The following MSI2 variants were observed in gnomAD, a reference collection of about 807,000 sequenced individuals.
MSI2 encodes RNA-binding protein Musashi homolog 2.
Under a neutral mutation model 45.6 loss-of-function variants are expected in MSI2, and 17 were observed. The ratio of observed to expected loss-of-function variants is 0.37; its 90% confidence interval spans 0.26 to 0.56. MSI2 has a LOEUF of 0.56. Among genes scored for constraint, MSI2 ranks in the 20% least tolerant of loss-of-function variants. MSI2 has a pLI of 0.77. For missense variants in MSI2, 293 were observed against 444.2 expected, an observed-to-expected ratio of 0.66 and a Z score of 3.06; for synonymous variants, 156 against 158.2, an observed-to-expected ratio of 0.99 and a Z score of 0.11.
intron 6 of MSI2, among the ~76,000 whole-genome samples, chr17:57,402,936 G>C (rs2084019385): frequency 6.6e-6 from 1 of 152,192 alleles, no homozygotes; most frequent in South Asian, 2.1e-4. Context: ...CTGATGTAAA[G>C]CAGTAAGGGG....
chr17:57,500,394 C>T (rs9908663), intron 6 of MSI2, among the ~76,000 whole-genome samples: 177 of 147,630 alleles, frequency 1.2e-3, no homozygotes, highest in Middle Eastern at 7.2e-3. Context: ...AAATGAGTTG[C>T]GTCTTTTTTT....
chr17:57,691,867 T>C, the MSI2 span, among the ~76,000 whole-genome samples: 1 of 152,216 alleles, frequency 6.6e-6, no homozygotes, highest in Non-Finnish European at 1.5e-5. Flanking sequence ...TCTAGTACAA[T>C]GTTGAACAAG....
intron 5 of MSI2, among the ~76,000 whole-genome samples, chr17:57,270,725 C>A (rs1274605978): frequency 6.6e-6 from 1 of 152,156 alleles, no homozygotes; most frequent in Non-Finnish European, 1.5e-5. Context: ...AGGGTGATAG[C>A]TGCATGTTGT....
At chr17:57,575,440 C>T (rs1380755683) in intron 7 of MSI2, among the ~76,000 whole-genome samples, 1 of 152,192 alleles carries the variant, frequency 6.6e-6, no homozygotes. Flanking sequence ...ATGGCTCTTC[C>T]AAGCTGCCGC....
intron 6 of MSI2, among the ~76,000 whole-genome samples, chr17:57,415,199 G>A (rs1395064059): frequency 6.6e-6 from 1 of 152,178 alleles, no homozygotes; most frequent in Non-Finnish European, 1.5e-5. Flanking sequence ...TTGCCGTCTT[G>A]TGATCAGCCA....
chr17:57,477,297 T>G (rs1214185854), intron 6 of MSI2, among the ~76,000 whole-genome samples: 1 of 151,898 alleles, frequency 6.6e-6, no homozygotes, highest in Non-Finnish European at 1.5e-5. Flanking sequence ...AAGCTGGGCT[T>G]TCTCGTGACA....
intron 5 of MSI2, among the ~76,000 whole-genome samples, chr17:57,343,505 T>TAC (rs1491034061): frequency 1.7e-4 from 26 of 152,156 alleles, no homozygotes; most frequent in Non-Finnish European, 3.4e-4. Context: ...AGGGAATAAT[T>TAC]GTACGCATTG....
Position 57,472,194 on chromosome 17 carries a change from A to G in MSI2, c.406-57482A>G, listed in dbSNP as rs115208248. Among the ~76,000 whole-genome samples the G allele has an allele frequency of 4.6e-3, 697 of 152,244 alleles. 2 individuals are homozygous for G. The highest frequency in any genetic ancestry group is 0.02 in the Middle Eastern group (6 of 294). On this transcript the variant is annotated intron_variant, in intron 6 of 13. Coordinates refer to ENST00000284073, the MANE Select transcript of MSI2 (RefSeq NM_138962.4). ...CCTATGAAAGACAAATTAGGAGGGG[A>G]TTATCATCTCACAAAAGAAGGCTTC...
intron 7 of MSI2, among the ~76,000 whole-genome samples, chr17:57,593,691 G>A (rs1218903659): frequency 6.6e-6 from 1 of 152,140 alleles, no homozygotes; most frequent in African/African-American, 2.4e-5. Context: ...TGTTTGGAGG[G>A]CCACTATTCA....
chr17:57,337,986 A>G (rs1179274122), intron 5 of MSI2, among the ~76,000 whole-genome samples: 3 of 152,234 alleles, frequency 2.0e-5, no homozygotes, highest in African/African-American at 2.4e-5. Flanking sequence ...TTGTAAAAAC[A>G]TGATTTTTAA....
In MSI2 at chr17:57,648,978, G is replaced by C. The variant is rs539632258; in HGVS notation, c.728-3121G>C. Among the ~76,000 whole-genome samples the C allele has an allele frequency of 1.2e-4, 18 of 152,254 alleles. No homozygotes were observed. In the South Asian group the frequency reaches 3.5e-3, roughly 30 times the overall value. ...AGCCCCAGAGAGTTGTTTCCACCAG[G>C]GGCCTCCTGGTCCTCAGGCCCCTCC... On this transcript the variant is annotated intron_variant, in intron 10 of 13. Transcript: ENST00000284073.
At chr17:57,633,084 T>TA in intron 10 of MSI2, 1 of 1,034,764 alleles carries the variant, frequency 9.7e-7, no homozygotes, top group South Asian at 4.6e-5. Context: ...TGAATTTTCT[T>TA]CATCTCTGTA....
chr17:57,409,758 C>T (rs1253289967), intron 6 of MSI2, among the ~76,000 whole-genome samples: 2 of 151,880 alleles, frequency 1.3e-5, no homozygotes, highest in Admixed American at 6.6e-5. Context: ...CCTGTAATCC[C>T]AGCACTTTGG....
chr17:57,483,757 G>T (rs1167129854), intron 6 of MSI2, among the ~76,000 whole-genome samples: 1 of 152,192 alleles, frequency 6.6e-6, no homozygotes, highest in Non-Finnish European at 1.5e-5. Context: ...GTACAGGAAG[G>T]CACCTTTACT....
intron 5 of MSI2, among the ~76,000 whole-genome samples, chr17:57,283,676 A>G (rs1348619290): frequency 6.6e-6 from 1 of 152,244 alleles, no homozygotes; most frequent in African/African-American, 2.4e-5. Context: ...GGCCCTAGGA[A>G]AGCATGGGAG....
chr17:57,374,836 C>G (rs1307779557), intron 5 of MSI2, among the ~76,000 whole-genome samples: 1 of 152,148 alleles, frequency 6.6e-6, no homozygotes, highest in Non-Finnish European at 1.5e-5. Flanking sequence ...GACCACTTAG[C>G]ATTTATTCCA....
intron 5 of MSI2, among the ~76,000 whole-genome samples, chr17:57,299,996 G>A (rs1156279966): frequency 6.6e-6 from 1 of 152,154 alleles, no homozygotes; most frequent in East Asian, 1.9e-4. Flanking sequence ...GGAGACCCTG[G>A]CTTCTGGCTT....
At chr17:57,442,799 A>T (rs546787175) in intron 6 of MSI2, among the ~76,000 whole-genome samples, 2 of 152,154 alleles carry the variant, frequency 1.3e-5, no homozygotes, top group Non-Finnish European at 2.9e-5. Context: ...TCCTGCCGGC[A>T]CGCTGGGGGC....
chr17:57,495,983 T>G (rs935907950), intron 6 of MSI2, among the ~76,000 whole-genome samples: 1 of 152,190 alleles, frequency 6.6e-6, no homozygotes, highest in African/African-American at 2.4e-5. Flanking sequence ...AGGGAGCATT[T>G]TTTGTGACAG....
Sources: allele counts gnomAD v4.1 joint callset (sites outside exome capture counted in the v4.1 genomes callset), GRCh38; gene constraint gnomAD v4.1.1; transcripts MANE v1.5; gene names NCBI Gene and HGNC (gene_info 2026-07-23, HGNC 2026-07-21).